The following LMTK2 variants were observed in gnomAD, a reference collection of about 807,000 sequenced individuals.
LMTK2 encodes serine/threonine-protein kinase LMTK2.
In LMTK2, 37 loss-of-function variants were observed where a neutral mutation model predicts 127.5. That is an observed-to-expected ratio of 0.29 (90% confidence interval 0.22 to 0.38). LMTK2 has a LOEUF of 0.38. Among genes scored for constraint, LMTK2 ranks in the 10% least tolerant of loss-of-function variants. LMTK2 has a pLI of 1.00. For missense variants in LMTK2, 1,694 were observed against 1,920.3 expected, an observed-to-expected ratio of 0.88 and a Z score of 2.20; for synonymous variants, 819 against 810.1, an observed-to-expected ratio of 1.01 and a Z score of -0.19.
rs757831967 is a variant in LMTK2 at position 98,193,920 on chromosome 7, G to A, written c.3455G>A (p.Cys1152Tyr). 2 of 1,614,146 alleles carry A rather than the reference G, an allele frequency of 1.2e-6. No homozygotes were observed. Among genetic ancestry groups the A allele is most frequent in the Middle Eastern group, 3.3e-4 (2 of 6,062 alleles). Reference sequence around the variant, plus strand: ...CAAAGTCCTGCTGCCCAGGATAGCTGCCTGGAAGCCAGAAAGAGCCAGCCA... The same window carrying A: ...CAAAGTCCTGCTGCCCAGGATAGCTACCTGGAAGCCAGAAAGAGCCAGCCA... The part of the protein sequence containing the change: ...PEQSPAAQDS[C>Y]LEARKSQPDE... Residue 1152 changes from cysteine to tyrosine, a missense_variant, in exon 11 of 14, where the codon TGC becomes TAC. Around this residue, in one of 8 missense-constraint regions of LMTK2, gnomAD observed 554 missense variants for 567.7 expected, o/e 0.98. Transcript: ENST00000297293. The surrounding 1 kb of genome is among the most constrained non-coding windows in gnomAD (Gnocchi z 4.1).
At chr7:98,166,805 T>C (rs9641230) in intron 6 of LMTK2, among the ~76,000 whole-genome samples, 8,094 of 152,314 alleles carry the variant, frequency 0.053, 637 homozygotes, top group East Asian at 0.36. Flanking sequence ...TACTCTGTGA[T>C]GTTTGCACGA....
intron 7 of LMTK2, among the ~76,000 whole-genome samples, chr7:98,182,717 G>A (rs957615124): frequency 1.3e-5 from 2 of 152,374 alleles, no homozygotes; most frequent in East Asian, 3.9e-4. Context: ...ATGTGATGCA[G>A]TGATGCCACT....
chr7:98,139,837 A>G (rs1052572963), intron 2 of LMTK2, among the ~76,000 whole-genome samples: 1 of 152,206 alleles, frequency 6.6e-6, no homozygotes, highest in Non-Finnish European at 1.5e-5. Context: ...AATGAAAATA[A>G]AAGTTCATAG....
At chr7:98,202,835 G>A (rs1797721790) in intron 11 of LMTK2, among the ~76,000 whole-genome samples, 1 of 152,254 alleles carries the variant, frequency 6.6e-6, no homozygotes, top group African/African-American at 2.4e-5. Context: ...CTTCTGTGAT[G>A]TCCCTGATAC....
intron 1 of LMTK2, among the ~76,000 whole-genome samples, chr7:98,119,133 A>C (rs560567282): frequency 9.2e-4 from 139 of 151,840 alleles, no homozygotes; most frequent in Non-Finnish European, 1.9e-3. Flanking sequence ...TCTGGGTCCC[A>C]AACTAACCAG....
In LMTK2 at chr7:98,192,414, A is replaced by T. The variant is rs1335003987; in HGVS notation, c.1949A>T (p.Lys650Ile). The stretch of plus-strand genomic sequence containing the variant: ...TCGGAAGATTTGCCCAGTCACCAAA[A>T]AATATTCGACTTAATGGAATTAAAC... ...DKSEDLPSHQ[K>I]IFDLMELNGV... The change falls in exon 11 of 14, where the codon AAA becomes ATA. Residue 650 changes from lysine (K) to isoleucine (I), a missense_variant. Physicochemically the swap from Lys to Ile is moderately radical, Grantham distance 102. Transcript: ENST00000297293. The T allele has an allele frequency of 6.2e-7, 1 of 1,610,728 alleles. No homozygotes were observed. The highest frequency in any genetic ancestry group is 8.5e-7 in the Non-Finnish European group (1 of 1,179,344).
chr7:98,126,080 T>A (rs1796440043), intron 1 of LMTK2, among the ~76,000 whole-genome samples: 1 of 152,186 alleles, frequency 6.6e-6, no homozygotes, highest in Admixed American at 6.6e-5. Flanking sequence ...ATAGACTCCA[T>A]CGAGGGATTG....
Position 98,194,249 on chromosome 7 carries a change from G to A in LMTK2, c.3784G>A (p.Glu1262Lys), listed in dbSNP as rs1384475759. ...CCCGAAGTTGAAGGAGCCGGACATC[G>A]AAGGGAAGTACCTGGGGAAACTCGG... is the stretch of plus-strand genomic sequence containing the variant. ...EGPKLKEPDI[E>K]GKYLGKLGVS... The change falls in exon 11 of 14, where the codon GAA becomes AAA. Residue 1262 changes from glutamate to lysine, a missense_variant. Physicochemically the swap from Glu to Lys is moderately conservative, Grantham distance 56. Coordinates refer to ENST00000297293, the MANE Select transcript of LMTK2 (RefSeq NM_014916.4). This position sits in a 1 kb window ranked among gnomAD's most constrained non-coding sequence, Gnocchi z 5.4. 8.7e-6 allele frequency: 14 copies of A among 1,614,038 alleles called. No homozygotes were observed. Among genetic ancestry groups the A allele is most frequent in the Admixed American group, 3.3e-5 (2 of 60,010 alleles).
chr7:98,118,245 C>G (rs4729404), intron 1 of LMTK2, among the ~76,000 whole-genome samples: 33,101 of 152,146 alleles, frequency 0.22, 3,770 homozygotes, highest in South Asian at 0.38. Flanking sequence ...TTGGCAGAAT[C>G]TTATTTTTCT....
At chr7:98,115,585 GGGTCACGA>G (rs1305149411) in intron 1 of LMTK2, among the ~76,000 whole-genome samples, 1 of 151,882 alleles carries the variant, frequency 6.6e-6, no homozygotes, top group Admixed American at 6.6e-5. Context: ...CGAGGCGGGC[GGGTCACGA>G]GGTCAAGAGA....
chr7:98,115,999 T>C (rs951471894), intron 1 of LMTK2, among the ~76,000 whole-genome samples: 1 of 152,068 alleles, frequency 6.6e-6, no homozygotes, highest in Non-Finnish European at 1.5e-5. Flanking sequence ...AGTCCTCCCA[T>C]GTCAGCTCCT....
chr7:98,141,069 CAAA>C (rs112518899), intron 2 of LMTK2, among the ~76,000 whole-genome samples: 15 of 104,428 alleles, frequency 1.4e-4, no homozygotes, highest in Admixed American at 2.0e-4. Flanking sequence ...AACCTTGTCT[CAAA>C]AAAAAAAAAA....
rs78285498 is a variant in LMTK2 at position 98,170,170 on chromosome 7, C to T, written c.658-1371C>T. Among the ~76,000 whole-genome samples, 1,104 of 152,326 alleles carry T rather than the reference C, an allele frequency of 7.2e-3. 11 individuals carry two copies. Among genetic ancestry groups the T allele is most frequent in the Non-Finnish European group, 9.1e-3 (619 of 68,034 alleles). On this transcript the variant is annotated intron_variant, in intron 6 of 13. Transcript: ENST00000297293. ...GGCCTTGGGCAAATTTCTTACCCTC[C>T]CTAAGCCTCAGTTCCATATCTGGTA...
chr7:98,150,754 A>G (rs1237823959), intron 3 of LMTK2, among the ~76,000 whole-genome samples: 1 of 152,244 alleles, frequency 6.6e-6, no homozygotes, highest in Non-Finnish European at 1.5e-5. Flanking sequence ...TACCATCGAA[A>G]AAAGAGTACA....
intron 1 of LMTK2, among the ~76,000 whole-genome samples, chr7:98,118,288 C>T (rs189187642): frequency 5.9e-5 from 9 of 152,222 alleles, no homozygotes; most frequent in East Asian, 3.9e-4. Flanking sequence ...AAAATAGATT[C>T]GATTTACCTC....
intron 6 of LMTK2, among the ~76,000 whole-genome samples, chr7:98,170,417 A>G (rs1308652347): frequency 6.6e-6 from 1 of 152,198 alleles, no homozygotes; most frequent in Admixed American, 6.5e-5. Flanking sequence ...TTTGTAAAGG[A>G]ATACTGTGTT....
intron 1 of LMTK2, among the ~76,000 whole-genome samples, chr7:98,109,466 G>A (rs1414893564): frequency 1.3e-5 from 2 of 152,136 alleles, no homozygotes; most frequent in Admixed American, 6.5e-5. Flanking sequence ...CAGTCAGGCC[G>A]GGAGCAGTGG....
chr7:98,158,455 T>C (rs1796962161), intron 5 of LMTK2, among the ~76,000 whole-genome samples: 1 of 152,218 alleles, frequency 6.6e-6, no homozygotes, highest in Non-Finnish European at 1.5e-5. Context: ...TTCTGTCTTT[T>C]GTACAGATCT....
chr7:98,125,553 C>T (rs1178900887), intron 1 of LMTK2, among the ~76,000 whole-genome samples: 1 of 152,144 alleles, frequency 6.6e-6, no homozygotes, highest in Non-Finnish European at 1.5e-5. Context: ...GGTGACTGCG[C>T]AGCCATTTCA....
Sources: allele counts gnomAD v4.1 joint callset (sites outside exome capture counted in the v4.1 genomes callset), GRCh38; gene constraint gnomAD v4.1.1; regional missense constraint gnomAD v4.1.1; non-coding constraint Gnocchi (gnomAD v3.1); transcripts MANE v1.5; gene names NCBI Gene and HGNC (gene_info 2026-07-23, HGNC 2026-07-21).